Variants in TENM2 observed in about 807,000 individuals in gnomAD.
The protein encoded by TENM2 is teneurin-2.
Under a neutral mutation model 245.2 loss-of-function variants are expected in TENM2, and 52 were observed. The ratio of observed to expected loss-of-function variants is 0.21; its 90% CI spans 0.17 to 0.27. TENM2 has a LOEUF of 0.27. Among genes scored for constraint, TENM2 ranks in the 10% least tolerant of loss-of-function variants. The pLI, the probability that TENM2 is intolerant of heterozygous loss-of-function variation, is 1.00. For missense variants in TENM2, 3,046 were observed against 3,666.8 expected (o/e 0.83, Z 4.37); for synonymous variants, 1,363 against 1,438.9 (o/e 0.95, Z 1.19).
chr5:168,259,788 A>C (rs1186362935), intron 27 of TENM2, among the ~76,000 whole-genome samples: 2 of 152,206 alleles, frequency 1.3e-5, no homozygotes, highest in East Asian at 3.9e-4. Flanking sequence ...CTCTAAACAC[A>C]CTGCGTGGCC....
chr5:167,462,076 C>CAT (rs1209835473), intron 2 of TENM2, among the ~76,000 whole-genome samples: 27 of 151,896 alleles, frequency 1.8e-4, no homozygotes, highest in African/African-American at 6.5e-4. Context: ...GTTTTACATG[C>CAT]ACATACATAC....
chr5:167,105,036 A>C, the TENM2 span, among the ~76,000 whole-genome samples: 1 of 152,306 alleles, frequency 6.6e-6, no homozygotes, highest in South Asian at 2.1e-4. Flanking sequence ...GCTTTGAATT[A>C]TTTTAGATTT....
At chr5:167,560,605 C>T (rs905520186) in intron 2 of TENM2, among the ~76,000 whole-genome samples, 16 of 152,244 alleles carry the variant, frequency 1.1e-4, no homozygotes, top group South Asian at 6.2e-4. Flanking sequence ...GCCTCAGTTG[C>T]CATAACTGTA....
intron 1 of TENM2, among the ~76,000 whole-genome samples, chr5:167,287,095 T>C (rs1052143492): frequency 7.9e-5 from 12 of 152,258 alleles, no homozygotes; most frequent in Non-Finnish European, 1.8e-4. Flanking sequence ...GTGCAATTCC[T>C]TCTGAAGACA....
chr5:167,825,228 A>C (rs935655524), intron 2 of TENM2, among the ~76,000 whole-genome samples: 1 of 152,030 alleles, frequency 6.6e-6, no homozygotes, highest in Non-Finnish European at 1.5e-5. Flanking sequence ...AGATAGACAC[A>C]TAATCCAGCA....
In TENM2 at chr5:167,389,675, A is replaced by G. The variant is rs1430055865; in HGVS notation, c.502+14202A>G. On this transcript the variant is annotated intron_variant, in intron 2 of 28. Coordinates refer to ENST00000518659, the Ensembl canonical transcript of TENM2. ...GACTGTTTTCTTAAGATGAATTCCT[A>G]GAAGACTTAGAACATACACAGTTAT... Among the ~76,000 whole-genome samples the G allele has an allele frequency of 2.6e-5, 4 of 152,152 alleles. No individual in the cohort carries two copies. In the East Asian group the frequency reaches 7.7e-4, roughly 29 times the overall value.
At chr5:168,240,684 A>T (rs1562323771) in intron 25 of TENM2, among the ~76,000 whole-genome samples, 2 of 152,076 alleles carry the variant, frequency 1.3e-5, no homozygotes, top group South Asian at 4.2e-4. Flanking sequence ...TTCAATAATT[A>T]ATAAATGCAC....
At chr5:167,983,014 G>A (rs976197522) in intron 4 of TENM2, among the ~76,000 whole-genome samples, 3 of 151,966 alleles carry the variant, frequency 2.0e-5, no homozygotes, top group Non-Finnish European at 4.4e-5. Flanking sequence ...AAGTCCATTC[G>A]AAATGGCTGT....
the TENM2 span, among the ~76,000 whole-genome samples, chr5:167,047,466 A>T: frequency 1.3e-5 from 1 of 75,814 alleles, no homozygotes; most frequent in African/African-American, 3.5e-5. Flanking sequence ...GAGATGGTTT[A>T]TTTTGCTTTC....
chr5:167,781,765 C>T (rs1764201897), intron 2 of TENM2, among the ~76,000 whole-genome samples: 1 of 152,160 alleles, frequency 6.6e-6, no homozygotes, highest in Non-Finnish European at 1.5e-5. Flanking sequence ...GTGGCTCACA[C>T]CTATAATCCC....
chr5:167,421,596 G>T (rs1005315089), intron 2 of TENM2, among the ~76,000 whole-genome samples: 4 of 152,124 alleles, frequency 2.6e-5, no homozygotes, highest in Admixed American at 6.6e-5. Context: ...GGACGTTGGC[G>T]ACTAATAAAC....
At chr5:167,751,982 G>A (rs904841020) in intron 2 of TENM2, among the ~76,000 whole-genome samples, 38 of 150,708 alleles carry the variant, frequency 2.5e-4, no homozygotes, top group African/African-American at 8.0e-4. Flanking sequence ...ACACATGCGC[G>A]CACACGATTG....
intron 3 of TENM2, among the ~76,000 whole-genome samples, chr5:167,949,751 T>G (rs1461511554): frequency 6.6e-6 from 1 of 152,204 alleles, no homozygotes; most frequent in East Asian, 1.9e-4. Flanking sequence ...AACCTCTAGC[T>G]AAATGCCCCT....
At chr5:168,176,681 G>A (rs1297352937) in intron 13 of TENM2, among the ~76,000 whole-genome samples, 1 of 152,068 alleles carries the variant, frequency 6.6e-6, no homozygotes, top group South Asian at 2.1e-4. Context: ...AGAATCTAGG[G>A]CCATAATCAC....
intron 1 of TENM2, among the ~76,000 whole-genome samples, chr5:167,291,406 C>T (rs1388121375): frequency 1.3e-5 from 2 of 152,236 alleles, no homozygotes; most frequent in Non-Finnish European, 2.9e-5. Context: ...TATCATCTCT[C>T]ACAAGATTCT....
chr5:167,350,693 G>A (rs1241595344), intron 1 of TENM2, among the ~76,000 whole-genome samples: 1 of 140,382 alleles, frequency 7.1e-6, no homozygotes, highest in African/African-American at 2.7e-5. Context: ...ATATATATGG[G>A]ATACATATAT....
At chr5:167,631,394 A>C (rs1778862889) in intron 2 of TENM2, among the ~76,000 whole-genome samples, 1 of 152,136 alleles carries the variant, frequency 6.6e-6, no homozygotes, top group African/African-American at 2.4e-5. Flanking sequence ...TGTTCTCGGC[A>C]GAGAAAATAG....
intron 2 of TENM2, among the ~76,000 whole-genome samples, chr5:167,759,881 A>C (rs1165141029): frequency 1.5e-5 from 2 of 137,592 alleles, no homozygotes; most frequent in Non-Finnish European, 3.1e-5. Context: ...TTTAGCTCCG[A>C]AGTGTGAAAT....
chr5:167,430,545 G>C (rs890758741), intron 2 of TENM2, among the ~76,000 whole-genome samples: 1 of 152,130 alleles, frequency 6.6e-6, no homozygotes, highest in Non-Finnish European at 1.5e-5. Context: ...CTGGTTTGCT[G>C]TCTGTTAATT....
Sources: gnomAD v4.1 joint callset for allele counts (sites outside exome capture counted in the v4.1 genomes callset) on GRCh38, gnomAD v4.1.1 for gene constraint, MANE v1.5 for transcripts, NCBI Gene and HGNC (gene_info 2026-07-23, HGNC 2026-07-21) for gene names.